The following COPS4 variants were observed in gnomAD, a reference collection of about 807,000 sequenced individuals.
COPS4 encodes the protein COP9 signalosome subunit 4.
COPS4 carries 8 observed loss-of-function variants against 55.1 expected under a neutral mutation model. The observed-to-expected ratio is 0.15, with a 90% CI of 0.09 to 0.26. The LOEUF (loss-of-function observed/expected upper bound fraction) is 0.26, where lower values mean the gene tolerates loss of function less well. Ranked by LOEUF, COPS4 falls within the 10% of genes least tolerant of loss-of-function variation. The probability of loss-of-function intolerance (pLI) is 1.00; values close to 1 mark genes in which losing one functional copy is unlikely to be tolerated. For synonymous variants in COPS4, 185 were observed against 165.7 expected (o/e 1.12, Z -0.90); for missense variants, 248 against 484.0 (o/e 0.51, Z 4.58).
At chr4:83,041,397 TC>T (rs2126127622) in intron 1 of COPS4, among the ~76,000 whole-genome samples, 1 of 152,202 alleles carries the variant, frequency 6.6e-6, no homozygotes, top group Admixed American at 6.5e-5. Context: ...TTGGCACTTG[TC>T]ACATTCTCCA....
chr4:83,035,403 G>C, intron 1 of COPS4, 105 bp downstream of exon 1: 2 of 966,836 alleles, frequency 2.1e-6, no homozygotes, highest in Non-Finnish European at 3.0e-6. Flanking sequence ...CTAGGAGCCG[G>C]CCTGACGTCC....
At chr4:83,055,493 G>T (rs945954445) in intron 4 of COPS4, among the ~76,000 whole-genome samples, 9 of 150,566 alleles carry the variant, frequency 6.0e-5, no homozygotes, top group Non-Finnish European at 1.2e-4. Flanking sequence ...GCCCAGGCTG[G>T]AGTGCAGTGG....
At chr4:83,044,103 T>C (rs1730639970) in intron 1 of COPS4, among the ~76,000 whole-genome samples, 1 of 152,244 alleles carries the variant, frequency 6.6e-6, no homozygotes, top group East Asian at 1.9e-4. Context: ...ACTTTCCGAA[T>C]AATTGCAATG....
chr4:83,061,886 C>T lies in COPS4; in HGVS notation c.716-1190C>T, dbSNP rs764279762. ...CCATTAATCTTTGAATACTTCCCTG[C>T]GAATTAGCAGAAAAAGGAACTTGGA... is the stretch of plus-strand genomic sequence containing the variant. On this transcript the variant is annotated intron_variant, in intron 6 of 9. Transcript: ENST00000264389. Among the ~76,000 whole-genome samples the T allele has an allele frequency of 9.2e-5, 14 of 152,222 alleles. No homozygotes were observed. In the South Asian group the frequency reaches 2.5e-3, roughly 27 times the overall value.
At chr4:83,064,286 G>A (rs1352828788) in intron 7 of COPS4, among the ~76,000 whole-genome samples, 7 of 152,180 alleles carry the variant, frequency 4.6e-5, no homozygotes, top group Admixed American at 1.3e-4. Flanking sequence ...ACAGTGAGCC[G>A]TGATTGCCCC....
chr4:83,070,606 G>A (rs1397694561), intron 9 of COPS4, among the ~76,000 whole-genome samples: 2 of 152,054 alleles, frequency 1.3e-5, no homozygotes, highest in Admixed American at 1.3e-4. Flanking sequence ...CCACTGTATT[G>A]GGTCCTTTTC....
At chr4:83,036,572 A>G (rs1310649273) in intron 1 of COPS4, among the ~76,000 whole-genome samples, 1 of 152,240 alleles carries the variant, frequency 6.6e-6, no homozygotes, top group African/African-American at 2.4e-5. Flanking sequence ...GTCTGACATT[A>G]TCTGAGGACA....
chr4:83,054,540 G>A (rs1730969065), intron 4 of COPS4, among the ~76,000 whole-genome samples: 1 of 152,120 alleles, frequency 6.6e-6, no homozygotes, highest in Non-Finnish European at 1.5e-5. Context: ...AAAGCGGCCA[G>A]TTTGTAAAAA....
chr4:83,043,220 T>C (rs1183481220), intron 1 of COPS4, among the ~76,000 whole-genome samples: 5 of 152,030 alleles, frequency 3.3e-5, no homozygotes, highest in Admixed American at 6.6e-5. Flanking sequence ...AAACTATGTG[T>C]TAAAACTTAG....
intron 1 of COPS4, among the ~76,000 whole-genome samples, chr4:83,037,337 A>G (rs888751285): frequency 5.9e-5 from 9 of 152,170 alleles, no homozygotes; most frequent in African/African-American, 2.2e-4. Flanking sequence ...GCTTACTACT[A>G]CCTCTTTAGT....
chr4:83,042,922 T>C (rs1175703637), intron 1 of COPS4, among the ~76,000 whole-genome samples: 1 of 151,430 alleles, frequency 6.6e-6, no homozygotes, highest in Non-Finnish European at 1.5e-5. Flanking sequence ...GTATTTTTTT[T>C]TTTTTTTTGT....
At chr4:83,073,212 G>A in intron 9 of COPS4, 1 of 665,982 alleles carries the variant, frequency 1.5e-6, no homozygotes, top group Non-Finnish European at 2.8e-6. Flanking sequence ...CCAGCTTCTG[G>A]CAACCACCAA....
intron 4 of COPS4, among the ~76,000 whole-genome samples, chr4:83,055,008 T>C (rs1383520992): frequency 6.6e-6 from 1 of 152,238 alleles, no homozygotes; most frequent in Non-Finnish European, 1.5e-5. Context: ...TGGAAAAAAG[T>C]ACAGAATATT....
At chr4:83,054,122 C>G (rs1730958408) in intron 4 of COPS4, among the ~76,000 whole-genome samples, 1 of 152,030 alleles carries the variant, frequency 6.6e-6, no homozygotes, top group Admixed American at 6.6e-5. Context: ...GCAGGCGGAT[C>G]ACAAGGTCAG....
chr4:83,068,618 C>G (rs1731346916), intron 9 of COPS4, 96 bp downstream of exon 9: 2 of 748,152 alleles, frequency 2.7e-6, no homozygotes, highest in Non-Finnish European at 2.3e-6. Context: ...GACTCAGAAT[C>G]TTACTACTGG....
At chr4:83,074,666 T>G (rs2126136015) in intron 9 of COPS4, among the ~76,000 whole-genome samples, 1 of 151,392 alleles carries the variant, frequency 6.6e-6, no homozygotes, top group South Asian at 2.1e-4. Flanking sequence ...TTTTTTTAAT[T>G]CTTTAATCTT....
Position 83,049,650 on chromosome 4 carries a change from C to T in COPS4, c.307-231C>T, listed in dbSNP as rs1730807932. On this transcript the variant is annotated intron_variant, in intron 3 of 9. Transcript: ENST00000264389. Reference sequence around the variant, plus strand: ...ATACAAGCTAAATTTAATGTTTAAACTACAGTATTGTACCATAATCCACAT... The same window carrying T: ...ATACAAGCTAAATTTAATGTTTAAATTACAGTATTGTACCATAATCCACAT... 7 of 481,026 alleles carry T rather than the reference C, an allele frequency of 1.5e-5. No homozygotes were observed. In the East Asian group the frequency reaches 2.5e-4, roughly 17 times the overall value. The allele number at this position is 481,026 out of a possible 1,614,324, so 29.8% of individuals were successfully genotyped here.
At chr4:83,045,457 T>C (rs4693553) in intron 1 of COPS4, 169 bp from the exon 2 acceptor site, 446,701 of 447,608 alleles carry the variant, frequency 1, 222,901 homozygotes, top group Middle Eastern at 1. Context: ...ATATCTCTTG[T>C]GATAGACTAG....
intron 1 of COPS4, among the ~76,000 whole-genome samples, chr4:83,042,085 G>A (rs1426579354): frequency 6.6e-6 from 1 of 151,108 alleles, no homozygotes; most frequent in African/African-American, 2.4e-5. Flanking sequence ...GGCTGGTCTC[G>A]AACTCTTGAC....
Sources: allele counts gnomAD v4.1 joint callset (sites outside exome capture counted in the v4.1 genomes callset), GRCh38; gene constraint gnomAD v4.1.1; transcripts MANE v1.5; gene names NCBI Gene and HGNC (gene_info 2026-07-23, HGNC 2026-07-21).